ADAM12: variants seen among roughly 807,000 people sequenced by gnomAD.
The protein encoded by ADAM12 is ADAM metallopeptidase domain 12.
In ADAM12, 70 loss-of-function variants were observed where a neutral mutation model predicts 106.4. The observed-to-expected ratio is 0.66, with a 90% CI of 0.54 to 0.80. The LOEUF (loss-of-function observed/expected upper bound fraction) is 0.80, where lower values mean the gene tolerates loss of function less well. Among genes scored for constraint, ADAM12 ranks in the 30% least tolerant of loss-of-function variants. The probability of loss-of-function intolerance (pLI) is 0.00; values close to 1 mark genes in which losing one functional copy is unlikely to be tolerated. For missense variants in ADAM12, 1,010 were observed against 1,171.9 expected (o/e 0.86, Z 2.02); for synonymous variants, 420 against 433.5 (o/e 0.97, Z 0.39).
intron 14 of ADAM12, among the ~76,000 whole-genome samples, chr10:126,051,403 A>G (rs552531014): frequency 6.6e-6 from 1 of 151,284 alleles, no homozygotes; most frequent in African/African-American, 2.4e-5. Context: ...CCATTTATAT[A>G]CCCATCTATC....
intron 5 of ADAM12, among the ~76,000 whole-genome samples, chr10:126,125,364 C>T (rs866601664): frequency 6.6e-6 from 1 of 151,522 alleles, no homozygotes; most frequent in Non-Finnish European, 1.5e-5. Context: ...CCTGCCTCAG[C>T]CTCCTGAGTA....
At chr10:126,105,970 G>T (rs111787167) in intron 8 of ADAM12, among the ~76,000 whole-genome samples, 9,085 of 152,280 alleles carry the variant, frequency 0.06, 910 homozygotes, top group African/African-American at 0.2. Flanking sequence ...CTGACTTCCA[G>T]AAAGTTCCAT....
At chr10:126,311,094 TACACACACACACACAC>T (rs67514376) in intron 2 of ADAM12, among the ~76,000 whole-genome samples, 184 of 138,572 alleles carry the variant, frequency 1.3e-3, no homozygotes, top group African/African-American at 4.4e-3. Context: ...TACACACAAA[TACACACACACACACAC>T]ACACACACAC....
At chr10:126,094,809 G>A (rs766580253) in intron 10 of ADAM12, among the ~76,000 whole-genome samples, 7 of 152,104 alleles carry the variant, frequency 4.6e-5, no homozygotes, top group Non-Finnish European at 8.8e-5. Context: ...GAGGTGTCCC[G>A]ATTCTCTGAC....
chr10:126,330,336 T>G, intron 2 of ADAM12, 76 bp downstream of exon 2: 4 of 1,227,998 alleles, frequency 3.3e-6, no homozygotes, highest in Non-Finnish European at 3.5e-6. Flanking sequence ...AACCCTTGAA[T>G]GAGAGAATAC....
intron 3 of ADAM12, among the ~76,000 whole-genome samples, chr10:126,203,521 C>A (rs1957738775): frequency 6.6e-6 from 1 of 152,162 alleles, no homozygotes; most frequent in Non-Finnish European, 1.5e-5. Context: ...GAAGCATAAA[C>A]ACGCAGAAAT....
chr10:126,383,254 C>T (rs758561052), intron 1 of ADAM12, among the ~76,000 whole-genome samples: 1 of 151,918 alleles, frequency 6.6e-6, no homozygotes, highest in Non-Finnish European at 1.5e-5. Flanking sequence ...CATGAGCTAC[C>T]GTGCCCAGCC....
At chr10:126,039,235 C>T (rs1437595756) in intron 19 of ADAM12, 59 bp downstream of exon 19, 10 of 1,594,726 alleles carry the variant, frequency 6.3e-6, no homozygotes, top group Admixed American at 3.4e-5. Flanking sequence ...GCTTGAGCCA[C>T]CGCACCCAGC....
intron 11 of ADAM12, among the ~76,000 whole-genome samples, chr10:126,086,833 A>G (rs1043180996): frequency 2.5e-4 from 38 of 149,944 alleles, no homozygotes; most frequent in Admixed American, 2.4e-3. Flanking sequence ...CAGGAGTTCC[A>G]GACCAGCCTG....
At chr10:126,306,989 A>G (rs1960873446) in intron 2 of ADAM12, among the ~76,000 whole-genome samples, 1 of 152,084 alleles carries the variant, frequency 6.6e-6, no homozygotes, top group Admixed American at 6.5e-5. Flanking sequence ...ATAGGATTCC[A>G]GTTATATGTA....
intron 18 of ADAM12, chr10:126,041,331 G>T (rs769987393): frequency 4.1e-6 from 4 of 985,802 alleles, no homozygotes; most frequent in Non-Finnish European, 4.8e-6. Flanking sequence ...TATGAACAGG[G>T]TGGAGGCAGC....
intron 3 of ADAM12, among the ~76,000 whole-genome samples, chr10:126,268,182 C>A (rs186649450): frequency 3.3e-5 from 5 of 152,236 alleles, no homozygotes; most frequent in East Asian, 3.9e-4. Context: ...TTTGCCTATT[C>A]GAATTTTGCC....
Position 126,281,235 on chromosome 10 carries a change from ATATG to A in ADAM12, c.187-2251_187-2248del, listed in dbSNP as rs1465138717. ...CTGTCAAAATGTGCCCAAACACACCATATGTATGTATACATGTGTGTATAACTAC... is the reference window on the plus strand; with the variant it reads ...CTGTCAAAATGTGCCCAAACACACCATATGTATACATGTGTGTATAACTAC... On this transcript the variant is annotated intron_variant, in intron 2 of 22. Transcript: ENST00000448723. Among the ~76,000 whole-genome samples the A allele has an allele frequency of 3.9e-5, 6 of 152,216 alleles. No homozygotes were observed. The East Asian group carries it at 5.8e-4, about 15-fold the overall frequency.
At chr10:126,249,570 C>T (rs920872804) in intron 3 of ADAM12, among the ~76,000 whole-genome samples, 3 of 152,086 alleles carry the variant, frequency 2.0e-5, no homozygotes, top group East Asian at 3.9e-4. Flanking sequence ...TGGTGGCGGG[C>T]GCCTGTGCCT....
intron 3 of ADAM12, among the ~76,000 whole-genome samples, chr10:126,214,625 T>C (rs557057966): frequency 6.6e-6 from 1 of 152,294 alleles, no homozygotes; most frequent in African/African-American, 2.4e-5. Flanking sequence ...CAGTACCCTT[T>C]TGCAGTGATT....
chr10:126,191,435 A>G (rs570431581), intron 3 of ADAM12, among the ~76,000 whole-genome samples: 1 of 152,236 alleles, frequency 6.6e-6, no homozygotes, highest in South Asian at 2.1e-4. Context: ...TGACCGCATG[A>G]GTCCAGATGA....
chr10:126,270,458 C>G (rs866171008), intron 3 of ADAM12, among the ~76,000 whole-genome samples: 1 of 152,218 alleles, frequency 6.6e-6, no homozygotes, highest in East Asian at 1.9e-4. Context: ...TCCGTCTAGC[C>G]ACACGTGGCT....
chr10:126,372,214 G>A (rs1047805737), intron 1 of ADAM12, among the ~76,000 whole-genome samples: 2 of 152,168 alleles, frequency 1.3e-5, no homozygotes, highest in East Asian at 3.9e-4. Context: ...GCTCATGGAT[G>A]CTGAGAACTT....
chr10:126,065,622 G>C (rs530503023), intron 13 of ADAM12, among the ~76,000 whole-genome samples: 1 of 152,218 alleles, frequency 6.6e-6, no homozygotes, highest in East Asian at 1.9e-4. Flanking sequence ...AGAGTAGCCC[G>C]TCTGAGGCTA....
Sources: gnomAD v4.1 joint callset for allele counts (sites outside exome capture counted in the v4.1 genomes callset) on GRCh38, gnomAD v4.1.1 for gene constraint, MANE v1.5 for transcripts, NCBI Gene and HGNC (gene_info 2026-07-23, HGNC 2026-07-21) for gene names.